The following MTF1 variants were observed in gnomAD, a reference collection of about 807,000 sequenced individuals.
MTF1 encodes the protein MRE-binding transcription factor.
A neutral mutation model predicts 70.4 loss-of-function variants in MTF1; 22 were observed. The observed-to-expected ratio is 0.31, with a 90% CI of 0.22 to 0.45. The LOEUF (loss-of-function observed/expected upper bound fraction) is 0.45, where lower values mean the gene tolerates loss of function less well. MTF1 is among the 20% of genes least tolerant of loss of function. MTF1 has a pLI of 1.00. For missense variants in MTF1, 649 were observed against 922.0 expected, an observed-to-expected ratio of 0.70 and a Z score of 3.83; for synonymous variants, 333 against 352.8, an observed-to-expected ratio of 0.94 and a Z score of 0.63.
At chr1:37,835,806 C>CAT in intron 4 of MTF1, 62 bp from the exon 5 acceptor site, 1 of 1,052,824 alleles carries the variant, frequency 9.5e-7, no homozygotes, top group Admixed American at 2.2e-5. Context: ...TCCTGAACGT[C>CAT]TTTTTTTTTT....
In MTF1 at chr1:37,811,886, A is replaced by ACC. The variant is rs1557582361; in HGVS notation, c.*3249_*3250insGG. ...ACCAAACTGGTGGTGCCCCCATGAG[A>ACC]CTGGCCAGACCCTGCCAGCAAAGAC... On this transcript the variant is annotated 3_prime_UTR_variant, in exon 11 of 11. Coordinates refer to ENST00000373036, the MANE Select transcript of MTF1 (RefSeq NM_005955.3). The ACC allele has an allele frequency of 6.6e-6, 1 of 152,654 alleles. No individual in the cohort carries two copies. The highest frequency in any genetic ancestry group is 1.5e-5 in the Non-Finnish European group (1 of 68,048). The allele number at this position is 152,654 out of a possible 1,614,324, so 9.5% of individuals were successfully genotyped here. A position where few individuals can be genotyped will look rare whatever the true frequency, so the allele number is the denominator to read the frequency against.
At chr1:37,817,533 C>T in intron 9 of MTF1, 51 bp from the exon 10 acceptor site, 1 of 1,257,138 alleles carries the variant, frequency 8.0e-7, no homozygotes. Flanking sequence ...TATGGCAGAT[C>T]CCCAGGGACC....
chr1:37,849,632 T>C (rs1036481062), intron 2 of MTF1, among the ~76,000 whole-genome samples: 13 of 152,136 alleles, frequency 8.5e-5, no homozygotes, highest in African/African-American at 3.1e-4. Flanking sequence ...GTCACCAATG[T>C]AGTGCAGACA....
chr1:37,832,812 C>A (rs774987020), intron 6 of MTF1, among the ~76,000 whole-genome samples: 1 of 152,040 alleles, frequency 6.6e-6, no homozygotes, highest in Non-Finnish European at 1.5e-5. Context: ...CGAGACCAGC[C>A]TGGCCAACAT....
chr1:37,841,333 C>T (rs142465139), intron 2 of MTF1: 577 of 153,706 alleles, frequency 3.8e-3, no homozygotes, highest in Middle Eastern at 6.6e-3. Context: ...AGCCCCACGC[C>T]GTCCCCTGCA....
At chr1:37,835,603 G>T in intron 5 of MTF1, 68 bp downstream of exon 5, 1 of 1,157,980 alleles carries the variant, frequency 8.6e-7, no homozygotes, top group Non-Finnish European at 1.3e-6. Context: ...TATCCACCTA[G>T]CTCTACAGGT....
Position 37,848,458 on chromosome 1 carries a change from C to A in MTF1, c.409-8300G>T, listed in dbSNP as rs148228507. On this transcript the variant is annotated intron_variant, in intron 2 of 10. Transcript: ENST00000373036. The stretch of plus-strand genomic sequence containing the variant: ...ATCCCTTTGCACATCACAGAAGAAA[C>A]AAGTAAGCCTGATTTAAATATGAGG... Among the ~76,000 whole-genome samples the A allele has an allele frequency of 8.6e-3, 1,311 of 152,250 alleles. 15 individuals are homozygous for A. The highest frequency in any genetic ancestry group is 0.017 in the Middle Eastern group (5 of 294).
intron 5 of MTF1, 142 bp from the exon 6 acceptor site, chr1:37,835,357 T>G: frequency 1.4e-6 from 1 of 709,694 alleles, no homozygotes; most frequent in East Asian, 2.6e-5. Flanking sequence ...AATTACACAT[T>G]AATCATCTCA....
chr1:37,832,117 A>G (rs1393069498), intron 7 of MTF1, 128 bp downstream of exon 7: 1 of 608,264 alleles, frequency 1.6e-6, no homozygotes, highest in Admixed American at 3.3e-5. Context: ...AAAATCCTAC[A>G]TGGTCAGTAA....
chr1:37,846,211 T>A (rs1641330075), intron 2 of MTF1, among the ~76,000 whole-genome samples: 3 of 151,724 alleles, frequency 2.0e-5, no homozygotes, highest in Non-Finnish European at 4.4e-5. Flanking sequence ...AAAAGGAAAA[T>A]CAGACAAGAA....
chr1:37,822,321 G>A lies in MTF1; in HGVS notation c.1567C>T (p.Gln523Ter). Residue 523 changes from glutamine (Q) to a stop codon, truncating the protein, a stop_gained, in exon 9 of 11, where the codon CAA becomes TAA. Coordinates refer to ENST00000373036, the MANE Select transcript of MTF1 (RefSeq NM_005955.3). LOFTEE classifies it high-confidence loss of function. ...GCTGGCAGGGGCTCAGTAGTACTTT[G>A]TGGTGGGGCTGGTGCTGCCACAGCT... ...ASAVAAPAPP[Q>*]STTEPLPAMV... The A allele has an allele frequency of 6.2e-7, 1 of 1,613,646 alleles. No individual in the cohort carries two copies. Among genetic ancestry groups the A allele is most frequent in the Non-Finnish European group, 8.5e-7 (1 of 1,179,714 alleles).
intron 6 of MTF1, chr1:37,834,788 A>G (rs1641139877): frequency 1.5e-5 from 8 of 548,020 alleles, no homozygotes; most frequent in African/African-American, 5.6e-5. Flanking sequence ...AAGAATGACT[A>G]TAAGATTTTT....
At chr1:37,848,634 C>T (rs1012381456) in intron 2 of MTF1, among the ~76,000 whole-genome samples, 2 of 152,196 alleles carry the variant, frequency 1.3e-5, no homozygotes, top group Non-Finnish European at 2.9e-5. Flanking sequence ...CAAAACCAGT[C>T]TAGTCCCTTT....
At chr1:37,854,748 G>A (rs954467312) in intron 2 of MTF1, among the ~76,000 whole-genome samples, 3 of 152,132 alleles carry the variant, frequency 2.0e-5, no homozygotes, top group Non-Finnish European at 2.9e-5. Context: ...ATGAGACTGC[G>A]CTCAACTGCA....
At position 37,812,613 on chromosome 1, in the gene MTF1, A is replaced by T. The variant is rs1640753607; in HGVS notation, c.*2523T>A. The T allele has an allele frequency of 6.6e-6, 1 of 152,222 alleles. No homozygotes were observed. Among genetic ancestry groups the T allele is most frequent in the Non-Finnish European group, 1.5e-5 (1 of 68,056 alleles). The allele number at this position is 152,222 out of a possible 1,614,324, so 9.4% of individuals were successfully genotyped here. ...CCCAACATGAGCACAGCCCTGGCTAACCAAGAAGAGTCGCTATTTAAACTG... is the reference window on the plus strand; with the variant it reads ...CCCAACATGAGCACAGCCCTGGCTATCCAAGAAGAGTCGCTATTTAAACTG... On this transcript the variant is annotated 3_prime_UTR_variant, in exon 11 of 11. Transcript: ENST00000373036.
chr1:37,810,841 T>C lies in MTF1; in HGVS notation c.*4295A>G, dbSNP rs779362927. ...TGGGATGTAATGTTTGTTTATAGGA[T>C]TTAATGAAGGCTGGAGGCCTTTTTG... On this transcript the variant is annotated 3_prime_UTR_variant, in exon 11 of 11. Transcript: ENST00000373036. 6.6e-6 allele frequency: 1 copy of C among 152,162 alleles called. No individual in the cohort carries two copies. Among genetic ancestry groups the C allele is most frequent in the Non-Finnish European group, 1.5e-5 (1 of 68,030 alleles). The allele number at this position is 152,162 out of a possible 1,614,324, so 9.4% of individuals were successfully genotyped here. A position where few individuals can be genotyped will look rare whatever the true frequency, so the allele number is the denominator to read the frequency against.
chr1:37,836,217 A>T (rs2148411816), intron 4 of MTF1, among the ~76,000 whole-genome samples: 1 of 152,306 alleles, frequency 6.6e-6, no homozygotes, highest in Middle Eastern at 3.4e-3. Context: ...AAGGTGGCAT[A>T]TCTGGGATCA....
chr1:37,828,267 A>AG (rs1368545090), intron 7 of MTF1: 55 of 109,484 alleles, frequency 5.0e-4, no homozygotes, highest in Non-Finnish European at 7.1e-4. Context: ...GGGGTATGTG[A>AG]GGGGGGGGCC....
Position 37,815,088 on chromosome 1 carries a change from T to G in MTF1, c.*48A>C. On this transcript the variant is annotated 3_prime_UTR_variant, in exon 11 of 11. Coordinates refer to ENST00000373036, the MANE Select transcript of MTF1 (RefSeq NM_005955.3). The surrounding 1 kb of genome is among the most constrained non-coding windows in gnomAD (Gnocchi z 4.5). ...CCATGATGGCAGGCATTGTACCTCA[T>G]GCCTCCTGCTCACCCGCTTTTCCCA... 6.5e-7 allele frequency: 1 copy of G among 1,528,278 alleles called. No homozygotes were observed. Among genetic ancestry groups the G allele is most frequent in the East Asian group, 2.3e-5 (1 of 44,192 alleles). The allele number at this position is 1,528,278 out of a possible 1,614,324, so 94.7% of individuals were successfully genotyped here.
Sources: allele counts gnomAD v4.1 joint callset (sites outside exome capture counted in the v4.1 genomes callset), GRCh38; gene constraint gnomAD v4.1.1; non-coding constraint Gnocchi (gnomAD v3.1); transcripts MANE v1.5; gene names NCBI Gene and HGNC (gene_info 2026-07-23, HGNC 2026-07-21).